The following TKTL1 variants were observed in gnomAD, a reference collection of about 807,000 sequenced individuals.
TKTL1 encodes transketolase-like protein 1.
Under a neutral mutation model 39.3 loss-of-function variants are expected in TKTL1, and 1 was observed. The ratio of observed to expected loss-of-function variants is 0.03; its 90% CI spans 0.01 to 0.12. The LOEUF (loss-of-function observed/expected upper bound fraction) is 0.12. Ranked by LOEUF, TKTL1 falls within the 10% of genes least tolerant of loss-of-function variation. TKTL1 has a pLI of 1.00. For synonymous variants in TKTL1, 262 were observed against 193.8 expected (o/e 1.35, Z -2.92); for missense variants, 575 against 509.6 (o/e 1.13, Z -1.24).
chrX:154,314,336 A>G (rs1311193931), intron 6 of TKTL1, among the ~76,000 whole-genome samples: 1 of 111,627 alleles, frequency 9.0e-6, no homozygotes, highest in Admixed American at 9.5e-5. Context: ...AAAATTCTAA[A>G]TAGAACATTA....
At chrX:154,307,324 C>T (rs2067323094) in intron 2 of TKTL1, among the ~76,000 whole-genome samples, 1 of 111,883 alleles carries the variant, frequency 8.9e-6, no homozygotes. Flanking sequence ...AGGCCCTGTT[C>T]GGCTGCCAGA....
chrX:154,321,030 C>T (rs1557170627), intron 8 of TKTL1, 117 bp downstream of exon 8: 9 of 900,261 alleles, frequency 1.0e-5, no homozygotes, highest in Non-Finnish European at 1.4e-5. Flanking sequence ...ATTATTCAAG[C>T]CTTTTTCTTG....
Position 154,295,834 on chromosome X carries a change from C to T in TKTL1, c.-26C>T, listed in dbSNP as rs782032074. On this transcript the variant is annotated 5_prime_UTR_variant, in exon 1 of 13. Coordinates refer to ENST00000369915, the MANE Select transcript of TKTL1 (RefSeq NM_012253.4). The stretch of plus-strand genomic sequence containing the variant: ...AGACGCCGGAGACGTAGGAGTGGGT[C>T]TTCAGACTCCAAAGGGGTTGGACTA... The T allele has an allele frequency of 3.8e-5, 46 of 1,203,210 alleles. No homozygotes were observed. Among genetic ancestry groups the T allele is most frequent in the Middle Eastern group, 4.6e-4 (2 of 4,314 alleles).
At chrX:154,305,688 A>G (rs1284028651) in intron 2 of TKTL1, among the ~76,000 whole-genome samples, 1 of 109,783 alleles carries the variant, frequency 9.1e-6, no homozygotes, top group African/African-American at 3.3e-5. Context: ...CGCTTCCCCC[A>G]TGGCAGGGTT....
intron 1 of TKTL1, among the ~76,000 whole-genome samples, chrX:154,301,749 T>A (rs2067274980): frequency 9.4e-6 from 1 of 106,633 alleles, no homozygotes; most frequent in Admixed American, 1.0e-4. Context: ...AGTCCCCATT[T>A]TCTTTCTTTT....
At chrX:154,328,079 T>C (rs2067506924) in intron 12 of TKTL1, 121 bp downstream of exon 12, 1 of 936,172 alleles carries the variant, frequency 1.1e-6, no homozygotes, top group African/African-American at 1.9e-5. Context: ...GGCTTTGTTA[T>C]TTGATGTTCA....
intron 1 of TKTL1, among the ~76,000 whole-genome samples, chrX:154,303,390 TTTTTTTTTTTTTTTTTTTTTTG>T (rs1463761607): frequency 1.9e-4 from 15 of 77,410 alleles, no homozygotes; most frequent in Non-Finnish European, 3.3e-4. Flanking sequence ...TTTTTTTTTT[TTTTTTTTTTTTTTTTTTTTTTG>T]GAAAGACGAG....
intron 2 of TKTL1, among the ~76,000 whole-genome samples, chrX:154,306,825 C>T (rs1320625271): frequency 9.1e-6 from 1 of 110,054 alleles, no homozygotes; most frequent in Non-Finnish European, 1.9e-5. Context: ...TTTGTAGAGA[C>T]ATGGTCTCAC....
intron 7 of TKTL1, among the ~76,000 whole-genome samples, chrX:154,315,760 T>C (rs1189737160): frequency 8.9e-6 from 1 of 112,017 alleles, no homozygotes; most frequent in South Asian, 3.8e-4. Context: ...GGGCCTAATA[T>C]AGCACAGAAA....
rs1557170505 is a variant in TKTL1 at position 154,320,832 on chromosome X, C to G, written c.1105C>G (p.Arg369Gly). The change falls in exon 8 of 13, where the codon CGA (arginine) becomes GGA (glycine). Residue 369 changes from arginine to glycine, a missense_variant. Arg to Gly is a moderately radical substitution (Grantham distance 125). Coordinates refer to ENST00000369915, the MANE Select transcript of TKTL1 (RefSeq NM_012253.4). ...FASTFAAFLT[R>G]AFDHIRIGGL... ...TAGCACCTTTGCTGCCTTTCTGACT[C>G]GAGCATTTGATCACATCCGGATAGG... 7 of 1,209,123 alleles carry G rather than the reference C, an allele frequency of 5.8e-6. No homozygotes were observed. The East Asian group carries it at 8.9e-5, about 15-fold the overall frequency.
intron 1 of TKTL1, among the ~76,000 whole-genome samples, chrX:154,298,825 T>C (rs2067250621): frequency 9.0e-6 from 1 of 111,400 alleles, no homozygotes; most frequent in Admixed American, 9.6e-5. Context: ...AAAGTTAGGT[T>C]GTTGATTTGA....
chrX:154,319,751 A>AG (rs1277986850), intron 7 of TKTL1, among the ~76,000 whole-genome samples: 1 of 109,414 alleles, frequency 9.1e-6, no homozygotes, highest in African/African-American at 3.3e-5. Flanking sequence ...AAAAAAAAAA[A>AG]AGACCATGAG....
At chrX:154,312,430 C>T in intron 5 of TKTL1, 150 bp from the exon 6 acceptor site, 1 of 517,382 alleles carries the variant, frequency 1.9e-6, no homozygotes, top group Non-Finnish European at 3.0e-6. Context: ...TTCTCTCTGG[C>T]TGCAGCAGCG....
In TKTL1 at chrX:154,295,814, C is replaced by G. The variant is rs782445403; in HGVS notation, c.-46C>G. 5.9e-6 allele frequency: 7 copies of G among 1,192,732 alleles called. No homozygotes were observed. The highest frequency in any genetic ancestry group is 2.3e-5 in the Admixed American group (1 of 44,110). On this transcript the variant is annotated 5_prime_UTR_variant, in exon 1 of 13. Transcript: ENST00000369915. ...GCAGGCGCCATTCGCTCTTCAGACG[C>G]CGGAGACGTAGGAGTGGGTCTTCAG... is the stretch of plus-strand genomic sequence containing the variant.
Position 154,311,191 on chromosome X carries a change from A to G in TKTL1, c.623A>G (p.Lys208Arg). 8.2e-7 allele frequency: 1 copy of G among 1,212,153 alleles called. No homozygotes were observed. The highest frequency in any genetic ancestry group is 1.1e-6 in the Non-Finnish European group (1 of 895,575). The change falls in exon 5 of 13, where the codon AAG becomes AGG. Residue 208 changes from lysine (K) to arginine (R), a missense_variant. Physicochemically the swap from Lys to Arg is conservative, Grantham distance 26. Transcript: ENST00000369915. ...VFWQASQVKH[K>R]PTAVVAKTFK... Reference sequence around the variant, plus strand: ...TGGCAGGCTTCTCAGGTGAAGCACAAGCCCACTGCTGTGGTGGCCAAGACC... The same window carrying G: ...TGGCAGGCTTCTCAGGTGAAGCACAGGCCCACTGCTGTGGTGGCCAAGACC...
chrX:154,305,412 C>G lies in TKTL1; in HGVS notation c.243C>G (p.Val81=). The change falls in exon 2 of 13, where the codon GTC becomes GTG. Residue 81 remains valine (V), a synonymous_variant. Coordinates refer to ENST00000369915, the MANE Select transcript of TKTL1 (RefSeq NM_012253.4). ...DPENPDNDRF[V]LAKRLSFVDV... ...AGAATCCGGACAACGACCGATTTGTCCTCGCAAAGGTATGCCGGTGGGGAG... is the reference window on the plus strand; with the variant it reads ...AGAATCCGGACAACGACCGATTTGTGCTCGCAAAGGTATGCCGGTGGGGAG... 8.3e-7 allele frequency: 1 copy of G among 1,209,138 alleles called. No homozygotes were observed. Among genetic ancestry groups the G allele is most frequent in the African/African-American group, 1.7e-5 (1 of 57,865 alleles).
At position 154,295,827 on chromosome X, in the gene TKTL1, A is replaced by G. The variant is rs782115109; in HGVS notation, c.-33A>G. 4 of 1,199,545 alleles carry G rather than the reference A, an allele frequency of 3.3e-6. No individual in the cohort carries two copies. Among genetic ancestry groups the G allele is most frequent in the Non-Finnish European group, 4.5e-6 (4 of 889,278 alleles). On this transcript the variant is annotated 5_prime_UTR_variant, in exon 1 of 13. Transcript: ENST00000369915. Reference sequence around the variant, plus strand: ...GCTCTTCAGACGCCGGAGACGTAGGAGTGGGTCTTCAGACTCCAAAGGGGT... The same window carrying G: ...GCTCTTCAGACGCCGGAGACGTAGGGGTGGGTCTTCAGACTCCAAAGGGGT...
At chrX:154,308,450 T>TG (rs1320781929) in intron 2 of TKTL1, among the ~76,000 whole-genome samples, 1 of 111,539 alleles carries the variant, frequency 9.0e-6, no homozygotes, top group East Asian at 2.8e-4. Flanking sequence ...CTCTACTTGG[T>TG]GGGAGGTCGG....
chrX:154,316,802 C>A (rs782433511), intron 7 of TKTL1, among the ~76,000 whole-genome samples: 5 of 103,982 alleles, frequency 4.8e-5, no homozygotes, highest in Non-Finnish European at 5.9e-5. Context: ...GTCTCTCTCT[C>A]TCTCTCACCG....
Sources: gnomAD v4.1 joint callset for allele counts (sites outside exome capture counted in the v4.1 genomes callset) on GRCh38, gnomAD v4.1.1 for gene constraint, MANE v1.5 for transcripts, NCBI Gene and HGNC (gene_info 2026-07-23, HGNC 2026-07-21) for gene names.